Variants in EBF1 observed in about 807,000 individuals in gnomAD.
EBF1 encodes the protein transcription factor COE1.
In EBF1, 10 loss-of-function variants were observed where a neutral mutation model predicts 68.4. That is an observed-to-expected ratio of 0.15 (90% CI 0.09 to 0.25). The LOEUF is 0.25. Ranked by LOEUF, EBF1 falls within the 10% of genes least tolerant of loss-of-function variation. The probability of loss-of-function intolerance (pLI) is 1.00; values close to 1 mark genes in which losing one functional copy is unlikely to be tolerated. For synonymous variants in EBF1, 298 were observed against 299.8 expected (o/e 0.99, Z 0.06); for missense variants, 509 against 794.4 (o/e 0.64, Z 4.32).
chr5:158,838,081 C>A (rs540355064), intron 7 of EBF1, among the ~76,000 whole-genome samples: 1 of 152,218 alleles, frequency 6.6e-6, no homozygotes, highest in African/African-American at 2.4e-5. Flanking sequence ...ACAAAAAATC[C>A]TCTATGGGAA....
intron 6 of EBF1, among the ~76,000 whole-genome samples, chr5:158,942,573 T>C (rs1238829299): frequency 6.6e-6 from 1 of 152,190 alleles, no homozygotes; most frequent in African/African-American, 2.4e-5. Flanking sequence ...TAAGTGGGAC[T>C]GGATTACTAG....
chr5:158,843,570 G>A (rs999025390), intron 6 of EBF1, among the ~76,000 whole-genome samples: 1 of 152,206 alleles, frequency 6.6e-6, no homozygotes, highest in Non-Finnish European at 1.5e-5. Flanking sequence ...GAAATTGAAA[G>A]CTTGACCATC....
At chr5:158,735,959 G>GA (rs1344935319) in intron 10 of EBF1, among the ~76,000 whole-genome samples, 2 of 152,148 alleles carry the variant, frequency 1.3e-5, no homozygotes, top group Non-Finnish European at 2.9e-5. Context: ...TATATGCAAA[G>GA]AAAATCGAGA....
chr5:158,709,997 G>T (rs1758817372), intron 14 of EBF1, among the ~76,000 whole-genome samples: 1 of 152,266 alleles, frequency 6.6e-6, no homozygotes, highest in South Asian at 2.1e-4. Context: ...AGCTCCATTT[G>T]TTATAACATT....
intron 5 of EBF1, among the ~76,000 whole-genome samples, chr5:159,082,135 C>CT (rs911626640): frequency 1.3e-4 from 19 of 151,350 alleles, no homozygotes; most frequent in Non-Finnish European, 2.4e-4. Flanking sequence ...CTCATTTTTT[C>CT]TTTTTTTTTC....
At chr5:158,872,127 G>T (rs903371422) in intron 6 of EBF1, among the ~76,000 whole-genome samples, 1 of 152,012 alleles carries the variant, frequency 6.6e-6, no homozygotes, top group African/African-American at 2.4e-5. Flanking sequence ...CCCCATGATG[G>T]TCTTAAGCTT....
At position 158,962,777 on chromosome 5, in the gene EBF1, C is replaced by T. The variant is rs926837586; in HGVS notation, c.554+110619G>A. Among the ~76,000 whole-genome samples the T allele has an allele frequency of 4.6e-5, 7 of 152,136 alleles. No individual in the cohort carries two copies. In the South Asian group the frequency reaches 8.3e-4, roughly 18 times the overall value. On this transcript the variant is annotated intron_variant, in intron 6 of 15. Transcript: ENST00000313708. Reference sequence around the variant, plus strand: ...GCGGGACTAAAAAGGTATAGGACTTCGAGCCATCTCTGCAGCCTCCCTTTC... The same window carrying T: ...GCGGGACTAAAAAGGTATAGGACTTTGAGCCATCTCTGCAGCCTCCCTTTC...
intron 6 of EBF1, among the ~76,000 whole-genome samples, chr5:158,944,253 G>A (rs1376472051): frequency 6.6e-6 from 1 of 151,850 alleles, no homozygotes; most frequent in African/African-American, 2.4e-5. Context: ...AGCATGTGAT[G>A]TTCCCCTCCC....
At chr5:159,015,441 G>A (rs1349524573) in intron 6 of EBF1, among the ~76,000 whole-genome samples, 1 of 152,196 alleles carries the variant, frequency 6.6e-6, no homozygotes, top group Non-Finnish European at 1.5e-5. Flanking sequence ...TCAGCTTGGA[G>A]CTGATCTTGA....
intron 6 of EBF1, among the ~76,000 whole-genome samples, chr5:158,856,654 CA>C (rs1205604847): frequency 6.6e-6 from 1 of 152,172 alleles, no homozygotes; most frequent in Admixed American, 6.5e-5. Flanking sequence ...TTTTAGTCCT[CA>C]CAGCAACCCT....
intron 6 of EBF1, among the ~76,000 whole-genome samples, chr5:158,938,891 CT>C (rs1256359546): frequency 1.3e-5 from 2 of 152,158 alleles, no homozygotes; most frequent in Non-Finnish European, 2.9e-5. Context: ...CAAAGCTCTT[CT>C]TTTTTTAGGA....
chr5:159,057,939 T>C (rs900290764), intron 6 of EBF1, among the ~76,000 whole-genome samples: 15 of 152,220 alleles, frequency 9.9e-5, no homozygotes, highest in African/African-American at 3.4e-4. Flanking sequence ...GCTGAACCCA[T>C]GTGAGATCTT....
At chr5:158,715,833 C>G (rs1760562800) in intron 11 of EBF1, among the ~76,000 whole-genome samples, 1 of 152,204 alleles carries the variant, frequency 6.6e-6, no homozygotes, top group South Asian at 2.1e-4. Context: ...TTGGCTTTAT[C>G]TGGCTCTTAG....
intron 6 of EBF1, among the ~76,000 whole-genome samples, chr5:158,911,916 A>G (rs1231691305): frequency 6.6e-6 from 1 of 152,220 alleles, no homozygotes; most frequent in Non-Finnish European, 1.5e-5. Flanking sequence ...TGCATCAATA[A>G]TGATTCATAA....
rs75736960 is a variant in EBF1, at chr5:159,070,659, G to A, written c.554+2737C>T. Among the ~76,000 whole-genome samples the A allele has an allele frequency of 7.2e-3, 1,098 of 152,276 alleles. 12 individuals are homozygous for A. Among genetic ancestry groups the A allele is most frequent in the African/African-American group, 0.025 (1,034 of 41,558 alleles). On this transcript the variant is annotated intron_variant, in intron 6 of 15. Coordinates refer to ENST00000313708, the MANE Select transcript of EBF1 (RefSeq NM_024007.5). ...TGTTCTCCCAAATTCCGAAGGACAA[G>A]CAAAGAGAGCTAAAAATTATTGGTG...
chr5:158,908,443 C>G (rs1270002087), intron 6 of EBF1, among the ~76,000 whole-genome samples: 2 of 152,096 alleles, frequency 1.3e-5, no homozygotes, highest in Non-Finnish European at 2.9e-5. Context: ...CCTAGGTAAA[C>G]CCTCATCTTT....
intron 9 of EBF1, among the ~76,000 whole-genome samples, chr5:158,780,141 CAAAG>C (rs1209507707): frequency 6.6e-6 from 1 of 152,150 alleles, no homozygotes; most frequent in Non-Finnish European, 1.5e-5. Flanking sequence ...ACTAATCACT[CAAAG>C]AACTGTAGAA....
At chr5:158,963,488 T>C (rs1753471314) in intron 6 of EBF1, among the ~76,000 whole-genome samples, 1 of 152,096 alleles carries the variant, frequency 6.6e-6, no homozygotes, top group African/African-American at 2.4e-5. Context: ...TCCCTCCAAC[T>C]GAAAAAACAA....
chr5:158,981,329 G>A (rs1757858078), intron 6 of EBF1, among the ~76,000 whole-genome samples: 1 of 152,164 alleles, frequency 6.6e-6, no homozygotes, highest in Non-Finnish European at 1.5e-5. Context: ...TCACTGGAAA[G>A]TGATCTTTAT....
Sources: gnomAD v4.1 joint callset for allele counts (sites outside exome capture counted in the v4.1 genomes callset) on GRCh38, gnomAD v4.1.1 for gene constraint, MANE v1.5 for transcripts, NCBI Gene and HGNC (gene_info 2026-07-23, HGNC 2026-07-21) for gene names.